The following CACNA2D2 variants were observed in gnomAD, a reference collection of about 807,000 sequenced individuals.
CACNA2D2 encodes the protein voltage-dependent calcium channel subunit alpha-2/delta-2.
In CACNA2D2, 48 loss-of-function variants were observed where a neutral mutation model predicts 166.4. That is an observed-to-expected ratio of 0.29 (90% confidence interval 0.23 to 0.37). CACNA2D2 has a LOEUF of 0.37. Among genes scored for constraint, CACNA2D2 ranks in the 10% least tolerant of loss-of-function variants. The pLI, the probability that CACNA2D2 is intolerant of heterozygous loss-of-function variation, is 1.00. For synonymous variants in CACNA2D2, 561 were observed against 573.7 expected (o/e 0.98, Z 0.32); for missense variants, 1,122 against 1,433.0 (o/e 0.78, Z 3.50).
intron 2 of CACNA2D2, among the ~76,000 whole-genome samples, chr3:50,442,904 G>A (rs1434907150): frequency 6.6e-6 from 1 of 152,232 alleles, no homozygotes; most frequent in Admixed American, 6.5e-5. Flanking sequence ...GAGAGCAGGG[G>A]AGACAATTCT....
chr3:50,445,763 A>G (rs935381101), intron 2 of CACNA2D2, among the ~76,000 whole-genome samples: 8 of 152,140 alleles, frequency 5.3e-5, no homozygotes, highest in African/African-American at 1.7e-4. Flanking sequence ...GGCTCTCACA[A>G]GAAAGCTCCC....
chr3:50,380,845 G>T lies in CACNA2D2; in HGVS notation c.785-40C>A. 6.5e-7 allele frequency: 1 copy of T among 1,536,544 alleles called. No homozygotes were observed. Among genetic ancestry groups the T allele is most frequent in the South Asian group, 1.3e-5 (1 of 79,664 alleles). ...AAGGTGAGGGGGACTGGCAGGAAAG[G>T]GCTGGCCTGGGTAGGCAGACCTTGC... On this transcript the variant is annotated intron_variant, in intron 7 of 37. Coordinates refer to ENST00000424201, the MANE Select transcript of CACNA2D2 (RefSeq NM_006030.4). This position sits in a 1 kb window ranked among gnomAD's most constrained non-coding sequence, Gnocchi z 4.9.
chr3:50,448,084 G>A (rs574934331), intron 2 of CACNA2D2, among the ~76,000 whole-genome samples: 4 of 152,228 alleles, frequency 2.6e-5, no homozygotes, highest in African/African-American at 9.6e-5. Context: ...CTACCCTAGG[G>A]CCCTTAGGGA....
chr3:50,364,858 G>C lies in CACNA2D2; in HGVS notation c.3291+30C>G, dbSNP rs766302972. 5 of 1,613,316 alleles carry C rather than the reference G, an allele frequency of 3.1e-6. No individual in the cohort carries two copies. In the Admixed American group the frequency reaches 6.7e-5, roughly 22 times the overall value. On this transcript the variant is annotated intron_variant, in intron 37 of 37. Coordinates refer to ENST00000424201, the MANE Select transcript of CACNA2D2 (RefSeq NM_006030.4). ...GGCCTGGGCGGGCGCAAGGCCGCGG[G>C]ATTTCGGGTCCACCGCCCCCTCTCC... is the stretch of plus-strand genomic sequence containing the variant.
At chr3:50,421,569 T>C (rs1055346267) in intron 3 of CACNA2D2, among the ~76,000 whole-genome samples, 1 of 152,062 alleles carries the variant, frequency 6.6e-6, no homozygotes, top group African/African-American at 2.4e-5. Context: ...TGGGGATGCA[T>C]CAGCCCAGGG....
At chr3:50,401,211 AG>A (rs1334997883) in intron 3 of CACNA2D2, among the ~76,000 whole-genome samples, 1 of 152,192 alleles carries the variant, frequency 6.6e-6, no homozygotes, top group Non-Finnish European at 1.5e-5. Context: ...TTTCCCTCAC[AG>A]GACTCATGCG....
intron 3 of CACNA2D2, among the ~76,000 whole-genome samples, chr3:50,420,955 G>C (rs1371371179): frequency 6.6e-6 from 1 of 152,176 alleles, no homozygotes; most frequent in East Asian, 1.9e-4. Context: ...TGTGAATAGG[G>C]TACATGGGCA....
At chr3:50,373,345 C>G (rs1003032658) in intron 22 of CACNA2D2, among the ~76,000 whole-genome samples, 1 of 150,120 alleles carries the variant, frequency 6.7e-6, no homozygotes, top group East Asian at 2.0e-4. Context: ...CCGGTGGGGC[C>G]GGAGCCCCAG....
chr3:50,492,066 A>G (rs1452674536), intron 1 of CACNA2D2, among the ~76,000 whole-genome samples: 1 of 152,204 alleles, frequency 6.6e-6, no homozygotes, highest in African/African-American at 2.4e-5. Context: ...AGGCAAAAGT[A>G]TACCCCCACT....
At chr3:50,431,630 C>T (rs1333770964) in intron 3 of CACNA2D2, among the ~76,000 whole-genome samples, 1 of 152,180 alleles carries the variant, frequency 6.6e-6, no homozygotes, top group African/African-American at 2.4e-5. Flanking sequence ...GCATGATAGA[C>T]TCAGCACACG....
At chr3:50,456,431 T>A (rs535790354) in intron 2 of CACNA2D2, among the ~76,000 whole-genome samples, 2 of 152,178 alleles carry the variant, frequency 1.3e-5, no homozygotes, top group Admixed American at 6.5e-5. Context: ...CAGACCAACA[T>A]TGTGACTTCA....
At chr3:50,501,491 C>T (rs997910964) in intron 1 of CACNA2D2, among the ~76,000 whole-genome samples, 2 of 151,756 alleles carry the variant, frequency 1.3e-5, no homozygotes, top group African/African-American at 2.4e-5. Flanking sequence ...TGTGTCGCTG[C>T]CGTCACACCC....
At chr3:50,421,267 C>A (rs1375951705) in intron 3 of CACNA2D2, among the ~76,000 whole-genome samples, 1 of 152,196 alleles carries the variant, frequency 6.6e-6, no homozygotes, top group Non-Finnish European at 1.5e-5. Flanking sequence ...AATTACAGGG[C>A]AGTCACGCAG....
rs1705144066 is a variant in CACNA2D2, at chr3:50,378,967, CCCCACGGAGAAA to C, written c.1275_1286del (p.Phe426_Gly429del). On this transcript the variant is annotated inframe_deletion, in exon 13 of 38. Transcript: ENST00000424201. ...GCGGTGTGACGTCATAGTTATGCTG[CCCCACGGAGAAA>C]GTAAACACGCGCACCTGTGGGGGGT... is the stretch of plus-strand genomic sequence containing the variant. The C allele has an allele frequency of 6.2e-7, 1 of 1,613,782 alleles. No individual in the cohort carries two copies. The highest frequency in any genetic ancestry group is 8.5e-7 in the Non-Finnish European group (1 of 1,180,038).
chr3:50,397,520 G>A (rs1366731416), intron 3 of CACNA2D2, among the ~76,000 whole-genome samples: 2 of 152,146 alleles, frequency 1.3e-5, no homozygotes, highest in African/African-American at 2.4e-5. Flanking sequence ...TGAAGCCCCC[G>A]AGTCCTGGCC....
Position 50,379,289 on chromosome 3 carries a change from C to T in CACNA2D2, c.1153-90G>A. On this transcript the variant is annotated intron_variant, in intron 11 of 37. Coordinates refer to ENST00000424201, the MANE Select transcript of CACNA2D2 (RefSeq NM_006030.4). The surrounding 1 kb of genome is among the most constrained non-coding windows in gnomAD (Gnocchi z 6.5). Reference sequence around the variant, plus strand: ...TCCCGCAGTGGGCCTGGACCTCTGGCCCTCCTCCCCCACAGCAGATGGAGC... The same window carrying T: ...TCCCGCAGTGGGCCTGGACCTCTGGTCCTCCTCCCCCACAGCAGATGGAGC... The T allele has an allele frequency of 2.8e-6, 4 of 1,444,594 alleles. No homozygotes were observed. Among genetic ancestry groups the T allele is most frequent in the Non-Finnish European group, 3.9e-6 (4 of 1,035,082 alleles). 89.5% of individuals were successfully genotyped at this position (1,444,594 alleles called of 1,614,324 possible).
At chr3:50,384,957 G>C (rs1260115283) in intron 5 of CACNA2D2, among the ~76,000 whole-genome samples, 2 of 152,240 alleles carry the variant, frequency 1.3e-5, no homozygotes, top group Non-Finnish European at 2.9e-5. Context: ...CCTCCAGAGG[G>C]AGGGTCTGCG....
intron 3 of CACNA2D2, among the ~76,000 whole-genome samples, chr3:50,429,350 G>A (rs1013901493): frequency 6.6e-6 from 1 of 152,054 alleles, no homozygotes; most frequent in East Asian, 1.9e-4. Flanking sequence ...CCTGTGTGAG[G>A]ATTCAGAGCA....
chr3:50,493,140 C>T (rs1316779436), intron 1 of CACNA2D2, among the ~76,000 whole-genome samples: 1 of 152,224 alleles, frequency 6.6e-6, no homozygotes, highest in Non-Finnish European at 1.5e-5. Context: ...AACTCCCACC[C>T]TCAAGCCTCT....
Sources: allele counts gnomAD v4.1 joint callset (sites outside exome capture counted in the v4.1 genomes callset), GRCh38; gene constraint gnomAD v4.1.1; non-coding constraint Gnocchi (gnomAD v3.1); transcripts MANE v1.5; gene names NCBI Gene and HGNC (gene_info 2026-07-23, HGNC 2026-07-21).